The following MTOR variants were observed in gnomAD, a reference collection of about 807,000 sequenced individuals.
MTOR encodes mechanistic target of rapamycin kinase, also known as serine/threonine-protein kinase mTOR.
MTOR carries 70 observed loss-of-function variants against 319.8 expected under a neutral mutation model. The observed-to-expected ratio is 0.22, with a 90% CI of 0.18 to 0.27. The LOEUF (loss-of-function observed/expected upper bound fraction) is 0.27. Among genes scored for constraint, MTOR ranks in the 10% least tolerant of loss-of-function variants. The pLI is 1.00. For synonymous variants in MTOR, 1,183 were observed against 1,211.4 expected (o/e 0.98, Z 0.49); for missense variants, 1,890 against 3,274.4 (o/e 0.58, Z 10.32).
chr1:11,119,017 T>G (rs1166822224), intron 49 of MTOR, among the ~76,000 whole-genome samples: 1 of 151,976 alleles, frequency 6.6e-6, no homozygotes, highest in Non-Finnish European at 1.5e-5. Flanking sequence ...AGACTACAGG[T>G]GTGTACCATA....
At chr1:11,124,733 C>A in intron 46 of MTOR, 100 bp from the exon 47 acceptor site, 1 of 1,290,412 alleles carries the variant, frequency 7.7e-7, no homozygotes, top group Non-Finnish European at 1.0e-6. Context: ...CTACATATGC[C>A]TTACCTAATC....
At chr1:11,122,985 A>C (rs2100370931) in intron 47 of MTOR, among the ~76,000 whole-genome samples, 1 of 152,274 alleles carries the variant, frequency 6.6e-6, no homozygotes, top group South Asian at 2.1e-4. Flanking sequence ...CAATCAAGTG[A>C]CTAAAATACC....
At chr1:11,203,565 A>G (rs1571157949) in intron 26 of MTOR, among the ~76,000 whole-genome samples, 1 of 151,148 alleles carries the variant, frequency 6.6e-6, no homozygotes, top group South Asian at 2.1e-4. Context: ...TCCCAGCTAC[A>G]CGGGAGGCTG....
At chr1:11,110,638 C>T (rs934205515) in intron 54 of MTOR, among the ~76,000 whole-genome samples, 4 of 152,108 alleles carry the variant, frequency 2.6e-5, no homozygotes, top group Non-Finnish European at 5.9e-5. Flanking sequence ...TCAGGTGATC[C>T]GCCTGCCTGG....
At chr1:11,210,649 C>A (rs908392786) in intron 24 of MTOR, among the ~76,000 whole-genome samples, 165 bp downstream of exon 24, 1 of 152,168 alleles carries the variant, frequency 6.6e-6, no homozygotes, top group African/African-American at 2.4e-5. Flanking sequence ...AGTGGCAGAG[C>A]TGAGGAGCTG....
Position 11,216,499 on chromosome 1 carries a change from T to A in MTOR, c.3031-265A>T, listed in dbSNP as rs562013135. Reference sequence around the variant, plus strand: ...CGAGATCCTGTCTCTACAAAAAAAATACAAAAAATTAGCTGGGCACTTGCC... The same window carrying A: ...CGAGATCCTGTCTCTACAAAAAAAAAACAAAAAATTAGCTGGGCACTTGCC... On this transcript the variant is annotated intron_variant, in intron 19 of 57. Transcript: ENST00000361445. 2.8e-4 allele frequency among the ~76,000 whole-genome samples: 42 copies of A among 151,694 alleles called. 2 individuals carry two copies. In the South Asian group the frequency reaches 8.3e-3, roughly 30 times the overall value.
Position 11,130,665 on chromosome 1 carries a change from G to C in MTOR, c.5477C>G (p.Thr1826Ser), listed in dbSNP as rs2100431818. ...CGTGGTGGCGGCAGTGGTGGCGTTG[G>C]TGATGTTGGCCCCGCTGGCATGACG... ...KLRHASGANITNATTAATTAA... is the reference protein window; with the variant it reads ...KLRHASGANISNATTAATTAA... Residue 1826 changes from threonine to serine, a missense_variant, in exon 39 of 58, where the codon ACC (threonine) becomes AGC (serine). By Grantham distance (58) the Thr-to-Ser change is moderately conservative. Around this residue, in one of 15 missense-constraint regions of MTOR, gnomAD observed 91 missense variants for 90.4 expected, o/e 1.01. Coordinates refer to ENST00000361445, the MANE Select transcript of MTOR (RefSeq NM_004958.4). 2 of 1,613,056 alleles carry C rather than the reference G, an allele frequency of 1.2e-6. No homozygotes were observed. Among genetic ancestry groups the C allele is most frequent in the Non-Finnish European group, 1.7e-6 (2 of 1,179,652 alleles).
Position 11,210,836 on chromosome 1 carries a change from A to C in MTOR, c.3632T>G (p.Val1211Gly). 6.2e-7 allele frequency: 1 copy of C among 1,612,482 alleles called. No homozygotes were observed. Among genetic ancestry groups the C allele is most frequent in the East Asian group, 2.2e-5 (1 of 44,854 alleles). The part of the protein sequence containing the change: ...RHRINHQRYD[V>G]LICRIVKGYT... ...CACCTTGACAATTCTGCAGATGAGC[A>C]CATCATAGCGCTGATGATTGATTCG... The change falls in exon 24 of 58, where the codon GTG (valine) becomes GGG (glycine). Residue 1211 changes from valine (V) to glycine (G), a missense_variant. Val to Gly is a moderately radical substitution (Grantham distance 109, BLOSUM62 -3). Coordinates refer to ENST00000361445, the MANE Select transcript of MTOR (RefSeq NM_004958.4).
chr1:11,259,256 G>A lies in MTOR; in HGVS notation c.154C>T (p.Leu52Phe). ...CCAGATCCCAGAAGCACCTCTCGGA[G>A]TTCCATGGTGACATAGTGCTGGAGC... is the stretch of plus-strand genomic sequence containing the variant. Reference protein sequence around the residue: ...KELQHYVTMELREMSQEESTR... With the variant: ...KELQHYVTMEFREMSQEESTR... The change falls in exon 2 of 58, where the codon CTC (leucine) becomes TTC (phenylalanine). Residue 52 changes from leucine (L) to phenylalanine (F), a missense_variant. By Grantham distance (22) the Leu-to-Phe change is conservative. Transcript: ENST00000361445. 1 of 1,613,786 alleles carries A rather than the reference G, an allele frequency of 6.2e-7. No individual in the cohort carries two copies. Among genetic ancestry groups the A allele is most frequent in the Non-Finnish European group, 8.5e-7 (1 of 1,179,860 alleles).
At chr1:11,243,670 T>G in intron 8 of MTOR, among the ~76,000 whole-genome samples, 1 of 144,322 alleles carries the variant, frequency 6.9e-6, no homozygotes, top group African/African-American at 2.6e-5. Context: ...CAAGCCTGAG[T>G]GACAAAGAGC....
chr1:11,146,346 T>C (rs1643928825), intron 32 of MTOR, among the ~76,000 whole-genome samples: 1 of 152,196 alleles, frequency 6.6e-6, no homozygotes. Flanking sequence ...TGCTGCACAG[T>C]GAGACTGCTG....
At chr1:11,241,512 C>G in intron 10 of MTOR, 41 bp downstream of exon 10, 1 of 1,578,652 alleles carries the variant, frequency 6.3e-7, no homozygotes, top group South Asian at 1.1e-5. Flanking sequence ...GGGGCCAAGC[C>G]TCACGCTGAT....
intron 54 of MTOR, chr1:11,111,027 C>A (rs572049137): frequency 2.8e-4 from 123 of 434,524 alleles, no homozygotes; most frequent in Non-Finnish European, 5.3e-4. Flanking sequence ...CCAGTATAAG[C>A]TCCCCCAGAG....
intron 26 of MTOR, among the ~76,000 whole-genome samples, chr1:11,203,496 G>A (rs565510408): frequency 2.0e-5 from 3 of 151,966 alleles, no homozygotes; most frequent in African/African-American, 4.8e-5. Flanking sequence ...CCAACATGGC[G>A]AAACCCCGTC....
chr1:11,222,071 AAAATTGAT>A (rs1646682252), intron 19 of MTOR, among the ~76,000 whole-genome samples: 1 of 151,940 alleles, frequency 6.6e-6, no homozygotes, highest in African/African-American at 2.4e-5. Flanking sequence ...ATTATACTAA[AAAATTGAT>A]AAATTGATAA....
Position 11,196,724 on chromosome 1 carries a change from C to T in MTOR, c.4253+2534G>A, listed in dbSNP as rs181317809. Among the ~76,000 whole-genome samples, 69 of 151,966 alleles carry T rather than the reference C, an allele frequency of 4.5e-4. No individual in the cohort carries two copies. In the East Asian group the frequency reaches 0.011, roughly 25 times the overall value. On this transcript the variant is annotated intron_variant, in intron 28 of 57. Coordinates refer to ENST00000361445, the MANE Select transcript of MTOR (RefSeq NM_004958.4). ...AAAATTAGCTGGGCATGGTGGCATG[C>T]GCCTGTAGTCCCAGCTACTTAGGAA...
rs185900777 is a variant in MTOR, at chr1:11,198,208, A to G, written c.4253+1050T>C. On this transcript the variant is annotated intron_variant, in intron 28 of 57. Transcript: ENST00000361445. ...TGGAAGGAAGAAAGTGGATTTTCAC[A>G]TTTACTGTGCCTGATGTGAAACTGA... Among the ~76,000 whole-genome samples the G allele has an allele frequency of 3.7e-3, 566 of 152,302 alleles. 4 individuals are homozygous for G. Among genetic ancestry groups the G allele is most frequent in the African/African-American group, 0.013 (534 of 41,564 alleles).
At chr1:11,182,170 T>C (rs1048053526) in intron 28 of MTOR, among the ~76,000 whole-genome samples, 1 of 151,714 alleles carries the variant, frequency 6.6e-6, no homozygotes, top group Non-Finnish European at 1.5e-5. Flanking sequence ...TGAGCTGAGA[T>C]TGCGCCACTG....
In MTOR at chr1:11,148,897, C is replaced by CA. The variant is rs879592508; in HGVS notation, c.4570+1228dup. Among the ~76,000 whole-genome samples the CA allele has an allele frequency of 7.7e-4, 100 of 129,096 alleles. 1 individual carries two copies. Among genetic ancestry groups the CA allele is most frequent in the Middle Eastern group, 3.7e-3 (1 of 272 alleles). 84.7% of individuals were successfully genotyped at this position (129,096 alleles called of 152,430 possible). On this transcript the variant is annotated intron_variant, in intron 31 of 57. Transcript: ENST00000361445. Reference sequence around the variant, plus strand: ...TGGGTGACAGAGCGAGACTCCATGTCAAAAAAAAAAAATTATGTGTGTGTG... The same window carrying CA: ...TGGGTGACAGAGCGAGACTCCATGTCAAAAAAAAAAAAATTATGTGTGTGTG...
Sources: gnomAD v4.1 joint callset for allele counts (sites outside exome capture counted in the v4.1 genomes callset) on GRCh38, gnomAD v4.1.1 for gene constraint, gnomAD v4.1.1 regional missense constraint, MANE v1.5 for transcripts, NCBI Gene and HGNC (gene_info 2026-07-23, HGNC 2026-07-21) for gene names.